Variants in GLCCI1 observed in about 807,000 individuals in gnomAD.
The protein encoded by GLCCI1 is glucocorticoid induced 1.
GLCCI1 carries 24 observed loss-of-function variants against 52.2 expected under a neutral mutation model. The ratio of observed to expected loss-of-function variants is 0.46; its 90% CI spans 0.33 to 0.65. The LOEUF (loss-of-function observed/expected upper bound fraction) is 0.65, where lower values mean the gene tolerates loss of function less well. Ranked by LOEUF, GLCCI1 falls within the 30% of genes least tolerant of loss-of-function variation. The probability of loss-of-function intolerance (pLI) is 0.02; values close to 1 mark genes in which losing one functional copy is unlikely to be tolerated. For missense variants in GLCCI1, 704 were observed against 701.5 expected (o/e 1.00, Z -0.04); for synonymous variants, 310 against 276.5 (o/e 1.12, Z -1.20).
intron 3 of GLCCI1, among the ~76,000 whole-genome samples, chr7:8,029,708 A>G (rs966230853): frequency 1.3e-5 from 2 of 151,534 alleles, no homozygotes; most frequent in Non-Finnish European, 2.9e-5. Flanking sequence ...AATTCAGTTA[A>G]GTTGCAGAAC....
At chr7:8,043,653 T>C (rs1002699856) in intron 3 of GLCCI1, among the ~76,000 whole-genome samples, 1 of 152,228 alleles carries the variant, frequency 6.6e-6, no homozygotes, top group Admixed American at 6.5e-5. Flanking sequence ...GTGATTCTTG[T>C]TGTATAAATC....
At chr7:8,023,859 A>G (rs1781555204) in intron 3 of GLCCI1, among the ~76,000 whole-genome samples, 1 of 151,928 alleles carries the variant, frequency 6.6e-6, no homozygotes, top group Non-Finnish European at 1.5e-5. Flanking sequence ...TCGGCCTCCC[A>G]AAGTGCTGAG....
chr7:8,067,066 T>A (rs892596861), intron 5 of GLCCI1, among the ~76,000 whole-genome samples: 4 of 152,216 alleles, frequency 2.6e-5, no homozygotes, highest in African/African-American at 9.6e-5. Flanking sequence ...TGGGTGCCCC[T>A]GTGTTGGGTG....
intron 1 of GLCCI1, among the ~76,000 whole-genome samples, chr7:7,996,411 AATT>A (rs1372312691): frequency 6.6e-6 from 1 of 152,142 alleles, no homozygotes; most frequent in African/African-American, 2.4e-5. Flanking sequence ...CCATATATGT[AATT>A]AAAAAAAAAA....
At chr7:7,972,793 A>C (rs1255837577) in intron 1 of GLCCI1, among the ~76,000 whole-genome samples, 2 of 152,128 alleles carry the variant, frequency 1.3e-5, no homozygotes, top group Non-Finnish European at 2.9e-5. Flanking sequence ...CCCAGGAAAA[A>C]ATGATAATTT....
intron 3 of GLCCI1, among the ~76,000 whole-genome samples, chr7:8,047,526 G>GGT: frequency 2.0e-5 from 3 of 152,182 alleles, no homozygotes; most frequent in Non-Finnish European, 4.4e-5. Flanking sequence ...ACATGCTGAA[G>GGT]ATAACTTTTT....
chr7:7,999,428 C>T (rs529038893), intron 1 of GLCCI1, among the ~76,000 whole-genome samples: 13 of 151,662 alleles, frequency 8.6e-5, no homozygotes, highest in African/African-American at 3.1e-4. Flanking sequence ...AGCAACACAG[C>T]GAGACCCCAT....
At chr7:8,056,408 A>C (rs1463154281) in intron 4 of GLCCI1, among the ~76,000 whole-genome samples, 1 of 152,210 alleles carries the variant, frequency 6.6e-6, no homozygotes, top group Non-Finnish European at 1.5e-5. Context: ...AACTATGCAC[A>C]TTATCTCATT....
intron 3 of GLCCI1, among the ~76,000 whole-genome samples, chr7:8,051,231 A>G (rs963968080): frequency 6.6e-6 from 1 of 152,256 alleles, no homozygotes; most frequent in Admixed American, 6.5e-5. Flanking sequence ...GTCCGTTGTT[A>G]GAAATGTCAT....
At chr7:8,020,163 GTTTA>G (rs966295978) in intron 2 of GLCCI1, among the ~76,000 whole-genome samples, 160 of 151,818 alleles carry the variant, frequency 1.1e-3, no homozygotes, top group African/African-American at 3.7e-3. Flanking sequence ...TTATTTATTT[GTTTA>G]TTTATTTCCT....
In GLCCI1 at chr7:8,086,957, T is replaced by TAA. The variant is rs1177849311; in HGVS notation, c.*420_*421dup. 1 of 144,506 alleles carries TAA rather than the reference T, an allele frequency of 6.9e-6. No homozygotes were observed. The highest frequency in any genetic ancestry group is 1.5e-5 in the Non-Finnish European group (1 of 68,112). The allele number at this position is 144,506 out of a possible 1,614,324, so 9.0% of individuals were successfully genotyped here. The stretch of plus-strand genomic sequence containing the variant: ...TACAATTGATCCAGGTGTTTGTTTC[T>TAA]AACTTCTGTAATACATACAATGCAA... On this transcript the variant is annotated 3_prime_UTR_variant, in exon 8 of 8. Coordinates refer to ENST00000223145, the MANE Select transcript of GLCCI1 (RefSeq NM_138426.4). This position sits in a 1 kb window ranked among gnomAD's most constrained non-coding sequence, Gnocchi z 4.4.
intron 7 of GLCCI1, among the ~76,000 whole-genome samples, chr7:8,085,751 C>T (rs1783092933): frequency 1.3e-5 from 2 of 152,076 alleles, no homozygotes; most frequent in Admixed American, 1.3e-4. Flanking sequence ...CCTCCCCACT[C>T]CACCCCCCAT....
chr7:8,032,353 C>G (rs1045232165), intron 3 of GLCCI1, among the ~76,000 whole-genome samples: 22 of 151,756 alleles, frequency 1.4e-4, no homozygotes, highest in African/African-American at 5.3e-4. Context: ...TCTTAAGAAA[C>G]TGGAAAAAGA....
At chr7:8,022,008 ATACT>A (rs1294905218) in intron 2 of GLCCI1, among the ~76,000 whole-genome samples, 1 of 152,166 alleles carries the variant, frequency 6.6e-6, no homozygotes, top group African/African-American at 2.4e-5. Context: ...AAAGATACTA[ATACT>A]TACTCTTCCC....
intron 1 of GLCCI1, among the ~76,000 whole-genome samples, chr7:8,002,468 A>G (rs569144134): frequency 6.6e-6 from 1 of 152,204 alleles, no homozygotes; most frequent in African/African-American, 2.4e-5. Context: ...AGCTAAAGTA[A>G]TACAGATAAA....
At chr7:8,059,536 C>G (rs1362184024) in intron 4 of GLCCI1, among the ~76,000 whole-genome samples, 2 of 152,136 alleles carry the variant, frequency 1.3e-5, no homozygotes, top group East Asian at 1.9e-4. Context: ...AGAACTCCTG[C>G]CAAGGACTTT....
At chr7:8,023,588 C>CTTTTGTTTTTTTTTTTTTTTTTTTT (rs1781544281) in intron 3 of GLCCI1, among the ~76,000 whole-genome samples, 1 of 41,984 alleles carries the variant, frequency 2.4e-5, no homozygotes. Context: ...CTCTGTTATT[C>CTTTTGTTTTTTTTTTTTTTTTTTTT]TTTTTTTTTT....
chr7:8,026,335 G>A lies in GLCCI1; in HGVS notation c.696+3766G>A, dbSNP rs528776852. ...TAAAAAATATCACAAAGCAGGAAAG[G>A]AAGAATAGGTAAACAAAAAAAGTTG... On this transcript the variant is annotated intron_variant, in intron 3 of 7. Transcript: ENST00000223145. Among the ~76,000 whole-genome samples the A allele has an allele frequency of 2.7e-4, 41 of 152,206 alleles. 1 individual carries two copies. Among genetic ancestry groups the A allele is most frequent in the East Asian group, 1.2e-3 (6 of 5,190 alleles).
intron 5 of GLCCI1, among the ~76,000 whole-genome samples, chr7:8,063,168 C>G (rs978308886): frequency 1.3e-5 from 2 of 152,068 alleles, no homozygotes; most frequent in African/African-American, 4.8e-5. Context: ...AACGGAGTCT[C>G]GCTCTGTTGC....
Sources: allele counts gnomAD v4.1 joint callset (sites outside exome capture counted in the v4.1 genomes callset), GRCh38; gene constraint gnomAD v4.1.1; non-coding constraint Gnocchi (gnomAD v3.1); transcripts MANE v1.5; gene names NCBI Gene and HGNC (gene_info 2026-07-23, HGNC 2026-07-21).